The following DSCAML1 variants were observed in gnomAD, a reference collection of about 807,000 sequenced individuals.
DSCAML1 encodes cell adhesion molecule DSCAML1.
Under a neutral mutation model 200.5 loss-of-function variants are expected in DSCAML1, and 38 were observed. That is an observed-to-expected ratio of 0.19 (90% CI 0.15 to 0.25). The LOEUF is 0.25. Ranked by LOEUF, DSCAML1 falls within the 10% of genes least tolerant of loss-of-function variation. The probability of loss-of-function intolerance (pLI) is 1.00; values close to 1 mark genes in which losing one functional copy is unlikely to be tolerated. For missense variants in DSCAML1, 2,223 were observed against 2,858.8 expected, an observed-to-expected ratio of 0.78 and a Z score of 5.07; for synonymous variants, 1,215 against 1,165.0, an observed-to-expected ratio of 1.04 and a Z score of -0.87.
At chr11:117,623,156 T>C (rs1457782288) in intron 3 of DSCAML1, among the ~76,000 whole-genome samples, 1 of 152,186 alleles carries the variant, frequency 6.6e-6, no homozygotes, top group Non-Finnish European at 1.5e-5. Context: ...TCTCCTGCCA[T>C]GTTTAAGGGC....
intron 3 of DSCAML1, among the ~76,000 whole-genome samples, chr11:117,770,071 A>G (rs1001485159): frequency 2.0e-5 from 3 of 152,108 alleles, no homozygotes; most frequent in African/African-American, 7.2e-5. Flanking sequence ...TGACCTGGTC[A>G]CAGACTCCAG....
intron 1 of DSCAML1, among the ~76,000 whole-genome samples, chr11:117,791,376 T>C (rs892131518): frequency 2.6e-5 from 4 of 152,202 alleles, no homozygotes; most frequent in African/African-American, 9.6e-5. Context: ...CAGCAACAGT[T>C]ATGAGGGCTC....
At chr11:117,517,253 A>G (rs564322845) in intron 7 of DSCAML1, among the ~76,000 whole-genome samples, 21 of 152,368 alleles carry the variant, frequency 1.4e-4, no homozygotes, top group Middle Eastern at 6.8e-3. Flanking sequence ...ACTTTCGTTC[A>G]ACAAGTAAAT....
intron 3 of DSCAML1, among the ~76,000 whole-genome samples, chr11:117,564,745 T>TTCTC (rs5795094): frequency 1.5e-4 from 22 of 148,134 alleles, no homozygotes; most frequent in East Asian, 3.9e-4. Flanking sequence ...CTTCTCTTTC[T>TTCTC]TCTCTCTCTC....
upstream of DSCAML1, among the ~76,000 whole-genome samples, chr11:117,798,169 A>T (rs1011705403): frequency 1.2e-4 from 19 of 152,256 alleles, no homozygotes; most frequent in Admixed American, 8.5e-4. Context: ...AGAATGGCCT[A>T]TGAGCCAGGA....
chr11:117,723,565 G>GA (rs1345084022), intron 3 of DSCAML1, among the ~76,000 whole-genome samples: 1 of 152,194 alleles, frequency 6.6e-6, no homozygotes, highest in East Asian at 1.9e-4. Context: ...AACCCACCCT[G>GA]ATTTCTGGTG....
intron 3 of DSCAML1, among the ~76,000 whole-genome samples, chr11:117,639,722 G>A (rs1461127121): frequency 3.3e-5 from 5 of 152,048 alleles, no homozygotes; most frequent in Non-Finnish European, 7.4e-5. Flanking sequence ...GCAGCAGAGT[G>A]GACTCAGGTG....
chr11:117,617,551 G>A (rs998058430), intron 3 of DSCAML1, among the ~76,000 whole-genome samples: 5 of 151,934 alleles, frequency 3.3e-5, no homozygotes, highest in East Asian at 1.9e-4. Flanking sequence ...AATAGTCTGC[G>A]CAATTAACAA....
rs1255368628 is a variant in DSCAML1 at position 117,431,037 on chromosome 11, G to T, written c.5375-4C>A. The T allele has an allele frequency of 1.2e-6, 2 of 1,607,876 alleles. No homozygotes were observed. Among genetic ancestry groups the T allele is most frequent in the Non-Finnish European group, 8.5e-7 (1 of 1,176,594 alleles). ...ACCATGCTGTTCCTTCCTTTGTCTG[G>T]GGAGTTAAGAGGAAAGGGGTGGGTT... On this transcript the variant is annotated splice_region_variant and splice_polypyrimidine_tract_variant and intron_variant, in intron 31 of 32. Transcript: ENST00000651296.
chr11:117,757,591 C>G (rs866545305), intron 3 of DSCAML1, among the ~76,000 whole-genome samples: 2,037 of 136,984 alleles, frequency 0.015, 43 homozygotes, highest in African/African-American at 0.068. Context: ...CACACACACA[C>G]ACACACACAC....
chr11:117,658,334 TCA>T (rs1354013310), intron 3 of DSCAML1, among the ~76,000 whole-genome samples: 1 of 152,182 alleles, frequency 6.6e-6, no homozygotes, highest in Non-Finnish European at 1.5e-5. Context: ...CCCTTCTAGC[TCA>T]CAGTCTGATG....
chr11:117,695,920 T>A (rs879744029), intron 3 of DSCAML1, among the ~76,000 whole-genome samples: 1 of 152,132 alleles, frequency 6.6e-6, no homozygotes, highest in Non-Finnish European at 1.5e-5. Flanking sequence ...ATACGACAAG[T>A]AAAGCATTTA....
chr11:117,714,848 G>T (rs7930626), intron 3 of DSCAML1, among the ~76,000 whole-genome samples: 28 of 134,798 alleles, frequency 2.1e-4, no homozygotes, highest in East Asian at 4.4e-4. Flanking sequence ...AAAAAAGGAA[G>T]GTGCCACACT....
intron 3 of DSCAML1, among the ~76,000 whole-genome samples, chr11:117,566,332 T>C (rs945326406): frequency 2.1e-5 from 3 of 144,788 alleles, no homozygotes; most frequent in African/African-American, 5.1e-5. Flanking sequence ...TTTCTCCCTT[T>C]CTTTTCTTTC....
At chr11:117,502,062 C>T (rs1248852696) in intron 11 of DSCAML1, among the ~76,000 whole-genome samples, 1 of 152,192 alleles carries the variant, frequency 6.6e-6, no homozygotes. Flanking sequence ...AAATATGCTC[C>T]TTCTGAACCC....
chr11:117,808,627 C>T (rs2055729229), intron 1 of DSCAML1, among the ~76,000 whole-genome samples: 1 of 152,162 alleles, frequency 6.6e-6, no homozygotes, highest in East Asian at 1.9e-4. Context: ...TTTGGGAAAT[C>T]CTGAACTAGA....
At position 117,702,628 on chromosome 11, in the gene DSCAML1, G is replaced by T. The variant is rs577769888; in HGVS notation, c.511+74163C>A. Among the ~76,000 whole-genome samples, 3 of 152,094 alleles carry T rather than the reference G, an allele frequency of 2.0e-5. No individual in the cohort carries two copies. In the South Asian group the frequency reaches 6.2e-4, roughly 32 times the overall value. On this transcript the variant is annotated intron_variant, in intron 3 of 32. Coordinates refer to ENST00000651296, the MANE Select transcript of DSCAML1 (RefSeq NM_020693.4). ...AGATCACATTGCCTGGCGCATAGTAGGTATTCAGTACACGTTTGTTGCATG... is the reference window on the plus strand; with the variant it reads ...AGATCACATTGCCTGGCGCATAGTATGTATTCAGTACACGTTTGTTGCATG...
At chr11:117,441,578 G>A (rs1337818328) in intron 21 of DSCAML1, among the ~76,000 whole-genome samples, 2 of 152,118 alleles carry the variant, frequency 1.3e-5, no homozygotes, top group Non-Finnish European at 2.9e-5. Flanking sequence ...CTAGTGCCTG[G>A]GAGATCGCCA....
intron 3 of DSCAML1, among the ~76,000 whole-genome samples, chr11:117,759,640 CTT>C (rs1177927882): frequency 6.6e-6 from 1 of 152,194 alleles, no homozygotes; most frequent in Non-Finnish European, 1.5e-5. Flanking sequence ...GGCCCACTCT[CTT>C]GTCTACAGGC....
Sources: allele counts gnomAD v4.1 joint callset (sites outside exome capture counted in the v4.1 genomes callset), GRCh38; gene constraint gnomAD v4.1.1; transcripts MANE v1.5; gene names NCBI Gene and HGNC (gene_info 2026-07-23, HGNC 2026-07-21).